The following MAP3K5 variants were observed in gnomAD, a reference collection of about 807,000 sequenced individuals.
MAP3K5 encodes ASK-1.
In MAP3K5, 56 loss-of-function variants were observed where a neutral mutation model predicts 158.7. The ratio of observed to expected loss-of-function variants is 0.35; its 90% confidence interval spans 0.28 to 0.44. MAP3K5 has a LOEUF of 0.44. MAP3K5 is among the 20% of genes least tolerant of loss of function. The probability of loss-of-function intolerance (pLI) is 1.00; values close to 1 mark genes in which losing one functional copy is unlikely to be tolerated. For synonymous variants in MAP3K5, 579 were observed against 601.7 expected, an observed-to-expected ratio of 0.96 and a Z score of 0.55; for missense variants, 1,294 against 1,674.8, an observed-to-expected ratio of 0.77 and a Z score of 3.97.
At chr6:136,700,022 C>T (rs555645612) in intron 3 of MAP3K5, among the ~76,000 whole-genome samples, 2 of 151,908 alleles carry the variant, frequency 1.3e-5, no homozygotes, top group South Asian at 2.1e-4. Context: ...TGTAGTGAGC[C>T]GAGATTGCGC....
At chr6:136,762,748 C>T (rs1783812463) in intron 1 of MAP3K5, among the ~76,000 whole-genome samples, 1 of 152,122 alleles carries the variant, frequency 6.6e-6, no homozygotes, top group Non-Finnish European at 1.5e-5. Flanking sequence ...TAAAGCAGTC[C>T]ACAAACCACA....
At chr6:136,640,932 A>G (rs1387238227) in intron 12 of MAP3K5, among the ~76,000 whole-genome samples, 1 of 152,246 alleles carries the variant, frequency 6.6e-6, no homozygotes, top group East Asian at 1.9e-4. Flanking sequence ...AGCAATAGTA[A>G]GATAGATAGT....
At chr6:136,701,171 C>T (rs1346761111) in intron 3 of MAP3K5, among the ~76,000 whole-genome samples, 1 of 152,176 alleles carries the variant, frequency 6.6e-6, no homozygotes, top group East Asian at 1.9e-4. Flanking sequence ...GCATGTCCTT[C>T]CCACTAGGGG....
intron 2 of MAP3K5, 128 bp downstream of exon 2, chr6:136,720,322 T>C (rs915596906): frequency 1.7e-5 from 13 of 762,146 alleles, no homozygotes; most frequent in East Asian, 6.2e-5. Flanking sequence ...TGACAAGTAA[T>C]TGATGCATAC....
intron 1 of MAP3K5, among the ~76,000 whole-genome samples, chr6:136,759,483 A>ATATATATATATATAT (rs1562681271): frequency 3.6e-5 from 2 of 56,172 alleles, no homozygotes; most frequent in Non-Finnish European, 8.4e-5. Context: ...TATATATATA[A>ATATATATATATATAT]AGTTTGAGAC....
chr6:136,585,117 T>TG (rs1471211004), intron 23 of MAP3K5, among the ~76,000 whole-genome samples: 3 of 142,410 alleles, frequency 2.1e-5, no homozygotes, highest in African/African-American at 7.5e-5. Context: ...TTTTTTTTTT[T>TG]TGTTTTTTTT....
chr6:136,687,424 G>A (rs1780196483), intron 7 of MAP3K5, among the ~76,000 whole-genome samples: 1 of 152,068 alleles, frequency 6.6e-6, no homozygotes, highest in African/African-American at 2.4e-5. Flanking sequence ...ATAGACAAAT[G>A]GGATCTAATT....
rs1207226246 is a variant in MAP3K5 at position 136,744,951 on chromosome 6, T to A, written c.449-24362A>T. Among the ~76,000 whole-genome samples the A allele has an allele frequency of 2.6e-5, 4 of 152,312 alleles. No homozygotes were observed. The East Asian group carries it at 7.7e-4, about 29-fold the overall frequency. ...ATCAACCATGCCGCAGAGCACCGAC[T>A]GCTTATTTTAGCATTTTGATCCATT... is the stretch of plus-strand genomic sequence containing the variant. On this transcript the variant is annotated intron_variant, in intron 1 of 29. Coordinates refer to ENST00000359015, the MANE Select transcript of MAP3K5 (RefSeq NM_005923.4).
intron 7 of MAP3K5, among the ~76,000 whole-genome samples, chr6:136,683,975 T>G (rs1780040020): frequency 6.6e-6 from 1 of 152,204 alleles, no homozygotes; most frequent in African/African-American, 2.4e-5. Context: ...CTCCCATCTG[T>G]AATCCCAGCA....
intron 23 of MAP3K5, 21 bp downstream of exon 23, chr6:136,592,152 A>C: frequency 6.5e-7 from 1 of 1,540,676 alleles, no homozygotes; most frequent in Non-Finnish European, 8.7e-7. Context: ...TGGGAAATGA[A>C]GCACCTGGGA....
chr6:136,783,106 C>T (rs1390839783), intron 1 of MAP3K5, among the ~76,000 whole-genome samples: 1 of 152,102 alleles, frequency 6.6e-6, no homozygotes, highest in East Asian at 1.9e-4. Flanking sequence ...GAGTTTGAGA[C>T]CAGCCTGGGC....
At chr6:136,646,260 T>C (rs1778250565) in intron 11 of MAP3K5, among the ~76,000 whole-genome samples, 1 of 152,184 alleles carries the variant, frequency 6.6e-6, no homozygotes, top group African/African-American at 2.4e-5. Flanking sequence ...GATCAAAAGA[T>C]GGTGAAAATG....
intron 28 of MAP3K5, among the ~76,000 whole-genome samples, chr6:136,560,812 TG>T (rs1040343014): frequency 5.3e-5 from 8 of 151,802 alleles, no homozygotes; most frequent in African/African-American, 1.9e-4. Context: ...CTGGGTATGA[TG>T]GTTCATGTCT....
chr6:136,700,086 A>G (rs1373074616), intron 3 of MAP3K5, among the ~76,000 whole-genome samples: 1 of 152,166 alleles, frequency 6.6e-6, no homozygotes, highest in Non-Finnish European at 1.5e-5. Context: ...GAACGAAAGA[A>G]TGAACAAATG....
At chr6:136,735,488 T>C (rs569712026) in intron 1 of MAP3K5, among the ~76,000 whole-genome samples, 2 of 152,328 alleles carry the variant, frequency 1.3e-5, no homozygotes, top group East Asian at 3.9e-4. Flanking sequence ...TTATTTTAAG[T>C]ATGATAAGGT....
intron 23 of MAP3K5, among the ~76,000 whole-genome samples, chr6:136,585,469 T>TTTTCTTTCTTTTTCTTTCTTTC (rs35799129): frequency 7.6e-6 from 1 of 131,426 alleles, no homozygotes; most frequent in Admixed American, 7.9e-5. Flanking sequence ...CTTTCTTTTC[T>TTTTCTTTCTTTTTCTTTCTTTC]TTTCTTTATT....
At chr6:136,562,973 T>G (rs1830584173) in intron 26 of MAP3K5, among the ~76,000 whole-genome samples, 1 of 151,818 alleles carries the variant, frequency 6.6e-6, no homozygotes, top group African/African-American at 2.4e-5. Flanking sequence ...CATGTGCCAC[T>G]GTGCCAGGCC....
chr6:136,756,717 C>T (rs571265760), intron 1 of MAP3K5, among the ~76,000 whole-genome samples: 24 of 152,320 alleles, frequency 1.6e-4, no homozygotes, highest in African/African-American at 5.5e-4. Flanking sequence ...AAAGGCCCTG[C>T]CGATTCATCA....
At chr6:136,560,263 T>A (rs1562505478) in intron 28 of MAP3K5, among the ~76,000 whole-genome samples, 1 of 152,134 alleles carries the variant, frequency 6.6e-6, no homozygotes, top group Non-Finnish European at 1.5e-5. Context: ...GGCAGATCAC[T>A]TGAGGCCAGG....
Sources: gnomAD v4.1 joint callset for allele counts (sites outside exome capture counted in the v4.1 genomes callset) on GRCh38, gnomAD v4.1.1 for gene constraint, MANE v1.5 for transcripts, NCBI Gene and HGNC (gene_info 2026-07-23, HGNC 2026-07-21) for gene names.